Variants in GPR37 observed in about 807,000 individuals in gnomAD.
GPR37 encodes the protein G protein-coupled receptor 37.
In GPR37, 20 loss-of-function variants were observed where a neutral mutation model predicts 43.6. That is an observed-to-expected ratio of 0.46 (90% CI 0.32 to 0.67). GPR37 has a LOEUF of 0.67. Ranked by LOEUF, GPR37 falls within the 30% of genes least tolerant of loss-of-function variation. GPR37 has a pLI of 0.03. For synonymous variants in GPR37, 315 were observed against 322.6 expected, an observed-to-expected ratio of 0.98 and a Z score of 0.25; for missense variants, 724 against 797.2, an observed-to-expected ratio of 0.91 and a Z score of 1.11.
Position 124,744,724 on chromosome 7 carries a change from A to G in GPR37, c.*1801T>C, listed in dbSNP as rs1793650993. The G allele has an allele frequency of 6.6e-6, 1 of 152,110 alleles. No individual in the cohort carries two copies. The highest frequency in any genetic ancestry group is 1.5e-5 in the Non-Finnish European group (1 of 68,034). The allele number at this position is 152,110 out of a possible 1,614,324, so 9.4% of individuals were successfully genotyped here. A position where few individuals can be genotyped will look rare whatever the true frequency, so the allele number is the denominator to read the frequency against. On this transcript the variant is annotated 3_prime_UTR_variant, in exon 2 of 2. Transcript: ENST00000303921. Reference sequence around the variant, plus strand: ...GTATTTATTTTATTCCTTCCCATCCATGTCATCCCTGCCTGATTCTGTAAG... The same window carrying G: ...GTATTTATTTTATTCCTTCCCATCCGTGTCATCCCTGCCTGATTCTGTAAG...
chr7:124,764,248 C>A lies in GPR37; in HGVS notation c.729G>T (p.Arg243=). 1 of 1,597,606 alleles carries A rather than the reference C, an allele frequency of 6.3e-7. No homozygotes were observed. The highest frequency in any genetic ancestry group is 8.5e-7 in the Non-Finnish European group (1 of 1,171,968). Residue 243 remains arginine (R), a synonymous_variant, in exon 1 of 2, where the codon CGG becomes CGT. Transcript: ENST00000303921. This position sits in a 1 kb window ranked among gnomAD's most constrained non-coding sequence, Gnocchi z 5.4. Reference sequence around the variant, plus strand: ...AGAAGGGGTTCTTCAGTCTCACACGCCGGTTCGTGCTGTTTCCCCGGCGGG... The same window carrying A: ...AGAAGGGGTTCTTCAGTCTCACACGACGGTTCGTGCTGTTTCCCCGGCGGG... ...GGPRRGNSTN[R]RVRLKNPFYP...
intron 1 of GPR37, among the ~76,000 whole-genome samples, chr7:124,756,840 C>T (rs539502494): frequency 2.6e-5 from 4 of 152,264 alleles, no homozygotes; most frequent in South Asian, 2.1e-4. Flanking sequence ...GCACATAAGA[C>T]GAATGCCATT....
chr7:124,759,940 C>T (rs776094548), intron 1 of GPR37, among the ~76,000 whole-genome samples: 2 of 152,228 alleles, frequency 1.3e-5, no homozygotes, highest in Admixed American at 1.3e-4. Context: ...CAAAATCCCA[C>T]GATTCCCTTC....
chr7:124,751,973 T>C (rs1371317125), intron 1 of GPR37, among the ~76,000 whole-genome samples: 1 of 152,082 alleles, frequency 6.6e-6, no homozygotes, highest in African/African-American at 2.4e-5. Flanking sequence ...TTTTAACTAT[T>C]GGGGAAAATA....
chr7:124,757,020 C>A (rs2116321403), intron 1 of GPR37, among the ~76,000 whole-genome samples: 1 of 152,212 alleles, frequency 6.6e-6, no homozygotes, highest in Non-Finnish European at 1.5e-5. Context: ...TGGCAGGATA[C>A]CTTGGGAGCC....
At chr7:124,751,253 T>A (rs995403765) in intron 1 of GPR37, among the ~76,000 whole-genome samples, 4 of 152,064 alleles carry the variant, frequency 2.6e-5, no homozygotes, top group African/African-American at 9.6e-5. Flanking sequence ...CAGTTGCTCT[T>A]GGCAACTGCA....
rs1793657095 is a variant in GPR37, at chr7:124,745,224, GT to G, written c.*1300del. On this transcript the variant is annotated 3_prime_UTR_variant, in exon 2 of 2. Transcript: ENST00000303921. ...TACGTTTTCCCAGCAAGAAAACTGG[GT>G]TCTCTATAACAAGATTTTTCTGAAG... Among the ~76,000 whole-genome samples the G allele has an allele frequency of 6.6e-6, 1 of 152,148 alleles. No homozygotes were observed. Among genetic ancestry groups the G allele is most frequent in the Non-Finnish European group, 1.5e-5 (1 of 68,026 alleles).
chr7:124,747,471 A>G, intron 1 of GPR37, 128 bp from the exon 2 acceptor site: 4 of 632,274 alleles, frequency 6.3e-6, no homozygotes, highest in Non-Finnish European at 1.1e-5. Context: ...AGAGAGAGAG[A>G]ACAGTTTTCC....
intron 1 of GPR37, among the ~76,000 whole-genome samples, chr7:124,761,111 G>A (rs991498238): frequency 3.4e-5 from 5 of 148,012 alleles, no homozygotes; most frequent in Admixed American, 6.8e-5. Context: ...AGCTGAGATC[G>A]TGCCACTGCA....
rs1333111267 is a variant in GPR37, at chr7:124,765,101, C to A, written c.-125G>T. On this transcript the variant is annotated 5_prime_UTR_variant, in exon 1 of 2. Transcript: ENST00000303921. Reference sequence around the variant, plus strand: ...TCACCCCCGCCCGGGTAGCGGGGAACCGGAGATTAGGGTGATAGCGGAAGA... The same window carrying A: ...TCACCCCCGCCCGGGTAGCGGGGAAACGGAGATTAGGGTGATAGCGGAAGA... 1 of 869,612 alleles carries A rather than the reference C, an allele frequency of 1.1e-6. No individual in the cohort carries two copies. Among genetic ancestry groups the A allele is most frequent in the Non-Finnish European group, 1.7e-6 (1 of 604,892 alleles). The allele number at this position is 869,612 out of a possible 1,614,324, so 53.9% of individuals were successfully genotyped here.
Position 124,749,858 on chromosome 7 carries a change from A to G in GPR37, c.1024-2515T>C, listed in dbSNP as rs184621485. Among the ~76,000 whole-genome samples the G allele has an allele frequency of 7.4e-4, 113 of 152,262 alleles. 1 individual carries two copies. The highest frequency in any genetic ancestry group is 2.9e-3 in the South Asian group (14 of 4,828). On this transcript the variant is annotated intron_variant, in intron 1 of 1. Transcript: ENST00000303921. ...ACAATTCTTATTCTCCAAATTTTTCAGAATGTCTCCCATAAACATTGGCAT... is the reference window on the plus strand; with the variant it reads ...ACAATTCTTATTCTCCAAATTTTTCGGAATGTCTCCCATAAACATTGGCAT...
chr7:124,752,467 T>C (rs1194263540), intron 1 of GPR37, among the ~76,000 whole-genome samples: 2 of 152,150 alleles, frequency 1.3e-5, no homozygotes, highest in African/African-American at 2.4e-5. Context: ...ACATATGGAA[T>C]CACTCATTAC....
chr7:124,744,194 A>T lies in GPR37; in HGVS notation c.*2331T>A, dbSNP rs1313404642. 2 of 152,078 alleles carry T rather than the reference A, an allele frequency of 1.3e-5. No individual in the cohort carries two copies. The highest frequency in any genetic ancestry group is 3.9e-4 in the East Asian group (2 of 5,180). The allele number at this position is 152,078 out of a possible 1,614,324, so 9.4% of individuals were successfully genotyped here. A position where few individuals can be genotyped will look rare whatever the true frequency, so the allele number is the denominator to read the frequency against. ...GTTCAATCTCTTATAATAGCTTCCT[A>T]GTTGCTTTTTCATGATCAGACTGTC... On this transcript the variant is annotated 3_prime_UTR_variant, in exon 2 of 2. Transcript: ENST00000303921.
At position 124,746,001 on chromosome 7, in the gene GPR37, A is replaced by G. The variant is rs1160522231; in HGVS notation, c.*524T>C. 2 of 152,222 alleles carry G rather than the reference A, an allele frequency of 1.3e-5. No individual in the cohort carries two copies. Among genetic ancestry groups the G allele is most frequent in the Non-Finnish European group, 2.9e-5 (2 of 68,044 alleles). The allele number at this position is 152,222 out of a possible 1,614,324, so 9.4% of individuals were successfully genotyped here. A position where few individuals can be genotyped will look rare whatever the true frequency, so the allele number is the denominator to read the frequency against. ...AATTGTGCATAGAACCAGTAATTGT[A>G]TCTTTAAGGCAATTAGAAGATTTAT... On this transcript the variant is annotated 3_prime_UTR_variant, in exon 2 of 2. Coordinates refer to ENST00000303921, the MANE Select transcript of GPR37 (RefSeq NM_005302.5).
At chr7:124,748,390 C>A (rs1197755529) in intron 1 of GPR37, among the ~76,000 whole-genome samples, 1 of 152,036 alleles carries the variant, frequency 6.6e-6, no homozygotes, top group African/African-American at 2.4e-5. Context: ...ATCCCAGGCA[C>A]CTGGTTAAAA....
rs1557969 is a variant in GPR37, at chr7:124,765,684, A to G, written c.-708T>C. ...CTCAAAGTTGACGACGGGGCGAAGC[A>G]GGCTGCTGGACGGCGTGCCGCCGCA... On this transcript the variant is annotated 5_prime_UTR_variant, in exon 1 of 2. Coordinates refer to ENST00000303921, the MANE Select transcript of GPR37 (RefSeq NM_005302.5). 71,405 of 152,312 alleles carry G rather than the reference A, an allele frequency of 0.47. 16,933 individuals carry two copies. The highest frequency in any genetic ancestry group is 0.51 in the East Asian group (2,625 of 5,156). 9.4% of individuals were successfully genotyped at this position (152,312 alleles called of 1,614,324 possible).
At chr7:124,762,633 G>A (rs546640619) in intron 1 of GPR37, among the ~76,000 whole-genome samples, 3 of 152,284 alleles carry the variant, frequency 2.0e-5, no homozygotes, top group East Asian at 1.9e-4. Flanking sequence ...TCAGAGATAC[G>A]CCAAGCTTGG....
At chr7:124,761,244 C>G (rs930081479) in intron 1 of GPR37, among the ~76,000 whole-genome samples, 1 of 151,728 alleles carries the variant, frequency 6.6e-6, no homozygotes, top group Non-Finnish European at 1.5e-5. Context: ...GAATGAAGCA[C>G]TGATTCCTCC....
chr7:124,753,440 C>A (rs1315265745), intron 1 of GPR37, among the ~76,000 whole-genome samples: 2 of 151,946 alleles, frequency 1.3e-5, no homozygotes, highest in Admixed American at 6.6e-5. Context: ...CAGATTAGTT[C>A]TCATTTTCTC....
Sources: gnomAD v4.1 joint callset for allele counts (sites outside exome capture counted in the v4.1 genomes callset) on GRCh38, gnomAD v4.1.1 for gene constraint, Gnocchi (gnomAD v3.1) non-coding constraint, MANE v1.5 for transcripts, NCBI Gene and HGNC (gene_info 2026-07-23, HGNC 2026-07-21) for gene names.